ADGRL2: variants seen among roughly 807,000 people sequenced by gnomAD.
The protein encoded by ADGRL2 is calcium-independent alpha-latrotoxin receptor 2.
Under a neutral mutation model 157.4 loss-of-function variants are expected in ADGRL2, and 44 were observed. That is an observed-to-expected ratio of 0.28 (90% CI 0.22 to 0.36). The LOEUF is 0.36. Among genes scored for constraint, ADGRL2 ranks in the 10% least tolerant of loss-of-function variants. ADGRL2 has a pLI of 1.00. For synonymous variants in ADGRL2, 585 were observed against 624.7 expected (o/e 0.94, Z 0.95); for missense variants, 1,510 against 1,768.9 (o/e 0.85, Z 2.63).
chr1:81,756,052 T>C (rs571533268), intron 1 of ADGRL2, among the ~76,000 whole-genome samples: 1 of 152,262 alleles, frequency 6.6e-6, no homozygotes, highest in East Asian at 1.9e-4. Context: ...CCAAACAAAA[T>C]CACTAATCCA....
chr1:81,736,466 T>G (rs143386745), intron 1 of ADGRL2, among the ~76,000 whole-genome samples: 44 of 152,288 alleles, frequency 2.9e-4, no homozygotes, highest in African/African-American at 8.9e-4. Context: ...ATAATTTATT[T>G]ATTGGGTTAT....
chr1:81,317,825 T>C (rs142525303), intron 1 of ADGRL2, among the ~76,000 whole-genome samples: 1 of 152,308 alleles, frequency 6.6e-6, no homozygotes, highest in East Asian at 1.9e-4. Context: ...TAATTATATG[T>C]CTATGAAACA....
chr1:81,873,468 A>G (rs2093750709), intron 2 of ADGRL2, among the ~76,000 whole-genome samples: 2 of 152,132 alleles, frequency 1.3e-5, no homozygotes, highest in South Asian at 4.1e-4. Flanking sequence ...GAAATGTAAA[A>G]AAACCATTTT....
intron 16 of ADGRL2, among the ~76,000 whole-genome samples, chr1:81,971,354 CA>C (rs1229476993): frequency 6.6e-6 from 1 of 152,088 alleles, no homozygotes; most frequent in African/African-American, 2.4e-5. Flanking sequence ...AGCATTTATC[CA>C]TTCCTAGTGG....
intron 9 of ADGRL2, 124 bp from the exon 10 acceptor site, chr1:81,952,863 A>C: frequency 1.4e-6 from 1 of 712,778 alleles, no homozygotes; most frequent in Non-Finnish European, 2.5e-6. Flanking sequence ...CTCAGACTCC[A>C]GAGGACTACT....
chr1:81,838,147 G>A (rs1326930015), intron 2 of ADGRL2, among the ~76,000 whole-genome samples: 1 of 151,938 alleles, frequency 6.6e-6, no homozygotes, highest in African/African-American at 2.4e-5. Context: ...TGTGTAATAA[G>A]CTTCAAAATG....
chr1:81,713,823 C>A (rs1410823659), intron 1 of ADGRL2, among the ~76,000 whole-genome samples: 2 of 152,156 alleles, frequency 1.3e-5, no homozygotes, highest in Non-Finnish European at 2.9e-5. Flanking sequence ...CATTCCATGC[C>A]ATGCTGCCTT....
chr1:81,649,828 G>T (rs1190129820), intron 3 of ADGRL2, among the ~76,000 whole-genome samples: 1 of 152,134 alleles, frequency 6.6e-6, no homozygotes, highest in Non-Finnish European at 1.5e-5. Flanking sequence ...TGATGGAAAA[G>T]CACTGACTCC....
At position 81,726,295 on chromosome 1, in the gene ADGRL2, C is replaced by A. The variant is rs542654659; in HGVS notation, c.-143+26487C>A. Among the ~76,000 whole-genome samples, 19 of 152,250 alleles carry A rather than the reference C, an allele frequency of 1.2e-4. No homozygotes were observed. The East Asian group carries it at 3.7e-3, about 29-fold the overall frequency. ...GTCATACATCCTTCCCTGGACTCAT[C>A]CCTGCGGCCAGTCACATGGGATTAA... On this transcript the variant is annotated intron_variant, in intron 1 of 20. Coordinates refer to the ADGRL2 transcript ENST00000359929.
intron 11 of ADGRL2, among the ~76,000 whole-genome samples, chr1:81,957,776 T>G (rs968260084): frequency 1.3e-5 from 2 of 152,144 alleles, no homozygotes; most frequent in African/African-American, 4.8e-5. Flanking sequence ...TTTTTTCATT[T>G]TTAATTAAAA....
intron 2 of ADGRL2, among the ~76,000 whole-genome samples, chr1:81,533,098 G>A (rs1188667310): frequency 6.6e-6 from 1 of 152,032 alleles, no homozygotes; most frequent in Non-Finnish European, 1.5e-5. Flanking sequence ...AAAATGGGTG[G>A]CCAGGTGTGG....
chr1:81,310,728 T>A (rs545701931), intron 1 of ADGRL2, among the ~76,000 whole-genome samples: 1 of 152,136 alleles, frequency 6.6e-6, no homozygotes, highest in Admixed American at 6.5e-5. Context: ...TGGGAAAGGT[T>A]GGGAATTAAT....
intron 2 of ADGRL2, among the ~76,000 whole-genome samples, chr1:81,451,398 G>T (rs759076279): frequency 6.8e-4 from 104 of 152,136 alleles, no homozygotes; most frequent in Admixed American, 1.2e-3. Context: ...TGCTATTGTA[G>T]AAAATTTGTA....
chr1:81,959,142 C>G (rs962141362), intron 11 of ADGRL2, among the ~76,000 whole-genome samples: 2 of 152,130 alleles, frequency 1.3e-5, no homozygotes, highest in African/African-American at 2.4e-5. Flanking sequence ...TATGAGAGTT[C>G]CAGTTGCTCC....
chr1:81,622,348 C>T (rs763960840), intron 3 of ADGRL2, among the ~76,000 whole-genome samples: 4 of 150,334 alleles, frequency 2.7e-5, no homozygotes, highest in Non-Finnish European at 4.4e-5. Flanking sequence ...TTTGGGAGGC[C>T]GAGGCTGGCG....
intron 2 of ADGRL2, among the ~76,000 whole-genome samples, chr1:81,516,084 A>T (rs2079171229): frequency 6.6e-6 from 1 of 152,204 alleles, no homozygotes; most frequent in African/African-American, 2.4e-5. Flanking sequence ...CTGGTTACAT[A>T]AACAATACTT....
chr1:81,484,435 A>C (rs1249368885), intron 2 of ADGRL2, among the ~76,000 whole-genome samples: 5 of 152,148 alleles, frequency 3.3e-5, no homozygotes, highest in African/African-American at 4.8e-5. Context: ...GTAGCCCTGA[A>C]GGCTGGGTCA....
chr1:81,579,898 C>A (rs893632787), intron 2 of ADGRL2, among the ~76,000 whole-genome samples: 1 of 151,846 alleles, frequency 6.6e-6, no homozygotes, highest in African/African-American at 2.4e-5. Context: ...GTTATAAATA[C>A]TGTACGTAAA....
intron 1 of ADGRL2, among the ~76,000 whole-genome samples, chr1:81,365,720 C>G (rs572292440): frequency 2.6e-5 from 4 of 152,134 alleles, no homozygotes; most frequent in Non-Finnish European, 5.9e-5. Flanking sequence ...TTTTACTGCC[C>G]TGATTCAACA....
Sources: allele counts gnomAD v4.1 joint callset (sites outside exome capture counted in the v4.1 genomes callset), GRCh38; gene constraint gnomAD v4.1.1; transcripts MANE v1.5; gene names NCBI Gene and HGNC (gene_info 2026-07-23, HGNC 2026-07-21).